The following SLC38A6 variants were observed in gnomAD, a reference collection of about 807,000 sequenced individuals.
SLC38A6 encodes solute carrier family 38 member 6.
SLC38A6 carries 73 observed loss-of-function variants against 65.0 expected under a neutral mutation model. That is an observed-to-expected ratio of 1.12 (90% CI 0.93 to 1.37). The LOEUF (loss-of-function observed/expected upper bound fraction) is 1.37, where lower values mean the gene tolerates loss of function less well. Ranked by LOEUF, SLC38A6 falls within the 40% of genes most tolerant of loss-of-function variation. SLC38A6 has a pLI of 0.00. For missense variants in SLC38A6, 561 were observed against 531.1 expected, an observed-to-expected ratio of 1.06 and a Z score of -0.55; for synonymous variants, 183 against 178.8, an observed-to-expected ratio of 1.02 and a Z score of -0.19.
At chr14:61,015,122 G>T (rs1216408141) in intron 3 of SLC38A6, among the ~76,000 whole-genome samples, 1 of 152,188 alleles carries the variant, frequency 6.6e-6, no homozygotes, top group Non-Finnish European at 1.5e-5. Flanking sequence ...CTTGCAGTTT[G>T]ATCTCAGACT....
chr14:61,075,052 G>A (rs1346442954), intron 15 of SLC38A6, among the ~76,000 whole-genome samples: 1 of 152,154 alleles, frequency 6.6e-6, no homozygotes, highest in African/African-American at 2.4e-5. Flanking sequence ...GAGGAAGTGA[G>A]AGAGATAGCT....
intron 15 of SLC38A6, among the ~76,000 whole-genome samples, chr14:61,061,214 A>C (rs1451469632): frequency 6.6e-6 from 1 of 152,094 alleles, no homozygotes. Flanking sequence ...TTTTGTCTTT[A>C]GTTCTGTTTA....
chr14:61,082,729 C>T (rs2351511), intron 16 of SLC38A6, among the ~76,000 whole-genome samples: 132,104 of 152,076 alleles, frequency 0.87, 58,829 homozygotes, highest in Non-Finnish European at 0.98. Flanking sequence ...CTAGTCACCA[C>T]GCCACATCCT....
intron 3 of SLC38A6, among the ~76,000 whole-genome samples, chr14:60,985,037 C>G (rs1316097132): frequency 6.6e-6 from 1 of 152,170 alleles, no homozygotes. Flanking sequence ...TCCTCCACAA[C>G]ACAACCTAAT....
chr14:60,998,178 G>A (rs2038426349), intron 3 of SLC38A6, among the ~76,000 whole-genome samples: 1 of 151,648 alleles, frequency 6.6e-6, no homozygotes, highest in African/African-American at 2.4e-5. Context: ...AGAAGAGGGT[G>A]GTTCCCCAGC....
rs1479321291 is a variant in SLC38A6, at chr14:61,052,131, T to C, written c.1286T>C (p.Leu429Pro). 1 of 1,551,598 alleles carries C rather than the reference T, an allele frequency of 6.4e-7. No homozygotes were observed. ...SREDFLSWKK[L>P]GAFVLLIFGI... The stretch of plus-strand genomic sequence containing the variant: ...GAGGATTTTCTGTCATGGAAAAAGC[T>C]TGGGGTAGGTTGTTTTTGTTTCTTT... Residue 429 changes from leucine (L) to proline (P), a missense_variant, in exon 15 of 16, where the codon CTT becomes CCT. Physicochemically the swap from Leu to Pro is moderately conservative, Grantham distance 98 (BLOSUM62 -3). Coordinates refer to ENST00000267488, the MANE Select transcript of SLC38A6 (RefSeq NM_153811.3).
chr14:61,071,550 C>T (rs755674141), intron 15 of SLC38A6, among the ~76,000 whole-genome samples: 21 of 151,878 alleles, frequency 1.4e-4, no homozygotes, highest in Admixed American at 2.6e-4. Context: ...GGTGTGGTGG[C>T]GTGTGGCCAT....
At chr14:61,011,777 A>T (rs920154753) in intron 3 of SLC38A6, among the ~76,000 whole-genome samples, 63 of 152,252 alleles carry the variant, frequency 4.1e-4, no homozygotes, top group African/African-American at 1.5e-3. Flanking sequence ...TGCTGGATTC[A>T]GTTTGCCAGT....
intron 6 of SLC38A6, 81 bp from the exon 7 acceptor site, chr14:61,036,960 CTGTGTGTGTGTGTGTGTG>C (rs34977105): frequency 8.4e-5 from 37 of 438,296 alleles, no homozygotes; most frequent in South Asian, 5.1e-4. Context: ...GGTTATAACT[CTGTGTGTGTGTGTGTGTG>C]TGTGTGTGTG....
intron 3 of SLC38A6, among the ~76,000 whole-genome samples, chr14:61,003,651 A>G (rs1047515703): frequency 6.6e-5 from 10 of 152,186 alleles, no homozygotes; most frequent in Admixed American, 5.9e-4. Context: ...GATTTGGTTT[A>G]TATGCTGAGA....
At chr14:60,998,478 C>T (rs894584824) in intron 3 of SLC38A6, among the ~76,000 whole-genome samples, 8 of 151,996 alleles carry the variant, frequency 5.3e-5, no homozygotes, top group Non-Finnish European at 8.8e-5. Context: ...GATCATCTTC[C>T]CACTCCATCC....
downstream of SLC38A6, among the ~76,000 whole-genome samples, chr14:61,054,488 G>C (rs2042639001): frequency 6.6e-6 from 1 of 152,108 alleles, no homozygotes; most frequent in South Asian, 2.1e-4. Flanking sequence ...TAATGATAAC[G>C]ATTCTTCCTA....
intron 4 of SLC38A6, 62 bp downstream of exon 4, chr14:61,016,018 A>T: frequency 7.7e-7 from 1 of 1,305,472 alleles, no homozygotes; most frequent in Non-Finnish European, 1.1e-6. Flanking sequence ...TTTTGTTTCA[A>T]GTTAAAAGAG....
intron 15 of SLC38A6, among the ~76,000 whole-genome samples, chr14:61,073,035 C>G (rs1398779258): frequency 2.0e-5 from 3 of 152,152 alleles, no homozygotes; most frequent in Non-Finnish European, 4.4e-5. Flanking sequence ...TCTCCACATC[C>G]TCTCCGGCAT....
At position 60,992,542 on chromosome 14, in the gene SLC38A6, C is replaced by T. The variant is rs117025110; in HGVS notation, c.310+7739C>T. On this transcript the variant is annotated intron_variant, in intron 3 of 15. Transcript: ENST00000267488. Reference sequence around the variant, plus strand: ...TCATGTCATTTTAATTCATACAGTTCAAAAGTGGGGAAGAAAATAACTTTA... The same window carrying T: ...TCATGTCATTTTAATTCATACAGTTTAAAAGTGGGGAAGAAAATAACTTTA... 1.7e-3 allele frequency among the ~76,000 whole-genome samples: 263 copies of T among 152,146 alleles called. No homozygotes were observed. In the East Asian group the frequency reaches 0.027, roughly 16 times the overall value.
At chr14:61,015,203 G>C (rs1422208203) in intron 3 of SLC38A6, among the ~76,000 whole-genome samples, 2 of 152,238 alleles carry the variant, frequency 1.3e-5, no homozygotes, top group Non-Finnish European at 2.9e-5. Context: ...ATAATCTCCT[G>C]GTGTACCATT....
At chr14:60,984,549 A>C (rs532076334) in intron 2 of SLC38A6, among the ~76,000 whole-genome samples, 181 bp from the exon 3 acceptor site, 34 of 152,270 alleles carry the variant, frequency 2.2e-4, no homozygotes, top group African/African-American at 8.2e-4. Flanking sequence ...CATTTAAATA[A>C]AATTGGTAAA....
chr14:61,045,466 C>A (rs2042081936), intron 11 of SLC38A6, 41 bp downstream of exon 11: 1 of 1,431,426 alleles, frequency 7.0e-7, no homozygotes, highest in Admixed American at 1.8e-5. Flanking sequence ...TATTGTGTAT[C>A]TTTTTACCTC....
intron 3 of SLC38A6, among the ~76,000 whole-genome samples, chr14:61,008,842 A>C (rs1381194126): frequency 6.6e-6 from 1 of 152,200 alleles, no homozygotes; most frequent in Non-Finnish European, 1.5e-5. Flanking sequence ...TGAAAGTATC[A>C]TACATTTATA....
Sources: allele counts gnomAD v4.1 joint callset (sites outside exome capture counted in the v4.1 genomes callset), GRCh38; gene constraint gnomAD v4.1.1; transcripts MANE v1.5; gene names NCBI Gene and HGNC (gene_info 2026-07-23, HGNC 2026-07-21).